PAPPA2: variants seen among roughly 807,000 people sequenced by gnomAD.
PAPPA2 encodes pappalysin 2.
A neutral mutation model predicts 176.4 loss-of-function variants in PAPPA2; 86 were observed. The ratio of observed to expected loss-of-function variants is 0.49; its 90% CI spans 0.41 to 0.58. The LOEUF is 0.58. PAPPA2 is among the 20% of genes least tolerant of loss of function. The pLI, the probability that PAPPA2 is intolerant of heterozygous loss-of-function variation, is 0.00. For synonymous variants in PAPPA2, 809 were observed against 852.2 expected, an observed-to-expected ratio of 0.95 and a Z score of 0.88; for missense variants, 2,073 against 2,256.9, an observed-to-expected ratio of 0.92 and a Z score of 1.65.
chr1:176,465,106 C>G (rs996971395), intron 1 of PAPPA2, among the ~76,000 whole-genome samples: 1 of 152,184 alleles, frequency 6.6e-6, no homozygotes, highest in Admixed American at 6.5e-5. Flanking sequence ...TTGTTGCATT[C>G]TGACATGTGG....
rs866833501 is a variant in PAPPA2, at chr1:176,611,040, C to G, written c.1991+15445C>G. On this transcript the variant is annotated intron_variant, in intron 3 of 22. Coordinates refer to ENST00000367662, the MANE Select transcript of PAPPA2 (RefSeq NM_020318.3). ...AAGTCTGAATTTTTATGATAACTAA[C>G]CAACTTGTCTTTCTACTTCTGGGCT... Among the ~76,000 whole-genome samples, 47 of 152,230 alleles carry G rather than the reference C, an allele frequency of 3.1e-4. No individual in the cohort carries two copies. In the Middle Eastern group the frequency reaches 0.01, roughly 33 times the overall value.
At chr1:176,790,090 G>A (rs1183401381) in intron 18 of PAPPA2, 113 bp downstream of exon 18, 2 of 1,251,874 alleles carry the variant, frequency 1.6e-6, no homozygotes, top group East Asian at 4.7e-5. Context: ...CAGGGACTTG[G>A]GATTCTAATC....
chr1:176,476,062 A>G (rs1046471128), intron 1 of PAPPA2, among the ~76,000 whole-genome samples: 1 of 152,180 alleles, frequency 6.6e-6, no homozygotes, highest in African/African-American at 2.4e-5. Flanking sequence ...TGGAGCAAAG[A>G]CTATTTTATA....
intron 2 of PAPPA2, among the ~76,000 whole-genome samples, chr1:176,591,810 A>T (rs1300516783): frequency 6.6e-6 from 1 of 152,186 alleles, no homozygotes; most frequent in Non-Finnish European, 1.5e-5. Flanking sequence ...AAGATGCGTG[A>T]TCTAGTATAA....
At chr1:176,811,042 T>A (rs1268517718) in intron 21 of PAPPA2, among the ~76,000 whole-genome samples, 3 of 152,204 alleles carry the variant, frequency 2.0e-5, no homozygotes, top group African/African-American at 7.2e-5. Context: ...ATATTTTTTA[T>A]CACTGGATAG....
In PAPPA2 at chr1:176,693,164, C is replaced by T. The variant is rs190061665; in HGVS notation, c.2624+846C>T. 1.1e-3 allele frequency among the ~76,000 whole-genome samples: 170 copies of T among 152,270 alleles called. 3 individuals carry two copies. Among genetic ancestry groups the T allele is most frequent in the Non-Finnish European group, 2.5e-4 (17 of 68,020 alleles). ...CCTTCTGTGACCTGTGCAGACTGAC[C>T]TCTTTCAAAACCTACTGCTGTATTC... On this transcript the variant is annotated intron_variant, in intron 6 of 22. Transcript: ENST00000367662.
intron 3 of PAPPA2, among the ~76,000 whole-genome samples, chr1:176,669,296 C>G (rs537659256): frequency 1.2e-4 from 18 of 152,162 alleles, no homozygotes; most frequent in Admixed American, 1.0e-3. Flanking sequence ...TCTTCTCTTT[C>G]TTTTTCTTTT....
At chr1:176,564,140 C>A (rs747704277) in intron 2 of PAPPA2, among the ~76,000 whole-genome samples, 1 of 152,164 alleles carries the variant, frequency 6.6e-6, no homozygotes, top group Admixed American at 6.5e-5. Flanking sequence ...AACTACCTTA[C>A]GCAAATGCAG....
intron 3 of PAPPA2, among the ~76,000 whole-genome samples, chr1:176,622,439 G>A (rs955767599): frequency 2.0e-5 from 3 of 152,122 alleles, no homozygotes; most frequent in Non-Finnish European, 4.4e-5. Flanking sequence ...ATTTGTTGAA[G>A]GTATAAATAT....
chr1:176,746,981 G>T (rs1662940203), intron 14 of PAPPA2, among the ~76,000 whole-genome samples: 1 of 152,126 alleles, frequency 6.6e-6, no homozygotes, highest in African/African-American at 2.4e-5. Flanking sequence ...AATGGAACAG[G>T]CATAATTTTT....
At chr1:176,464,625 CA>C (rs1181984983) in intron 1 of PAPPA2, among the ~76,000 whole-genome samples, 1 of 152,124 alleles carries the variant, frequency 6.6e-6, no homozygotes, top group Non-Finnish European at 1.5e-5. Flanking sequence ...AGCTTTTTCC[CA>C]AACTCTCTCT....
At position 176,736,754 on chromosome 1, in the gene PAPPA2, A is replaced by G. The variant is rs949024837; in HGVS notation, c.3799-2872A>G. Among the ~76,000 whole-genome samples the G allele has an allele frequency of 4.6e-5, 7 of 151,090 alleles. No homozygotes were observed. The East Asian group carries it at 1.2e-3, about 25-fold the overall frequency. On this transcript the variant is annotated intron_variant, in intron 12 of 22. Transcript: ENST00000367662. ...AGTAGATTTTTAATAAATACATTTT[A>G]AACTAAATTTCTGAAAAGCCTGCAA... is the stretch of plus-strand genomic sequence containing the variant.
At chr1:176,704,469 A>G (rs1435490803) in intron 9 of PAPPA2, among the ~76,000 whole-genome samples, 2 of 152,210 alleles carry the variant, frequency 1.3e-5, no homozygotes, top group East Asian at 3.9e-4. Context: ...TATAAACAGT[A>G]TTCATATAGA....
chr1:176,828,932 G>A (rs980972385), intron 21 of PAPPA2, among the ~76,000 whole-genome samples: 49 of 152,058 alleles, frequency 3.2e-4, no homozygotes, highest in African/African-American at 1.1e-3. Flanking sequence ...GAACCCAGGA[G>A]ATGGAGGTTG....
chr1:176,695,464 C>T (rs369886265), intron 6 of PAPPA2, among the ~76,000 whole-genome samples: 10 of 152,082 alleles, frequency 6.6e-5, no homozygotes, highest in Admixed American at 6.5e-4. Flanking sequence ...GTTCCTAGGA[C>T]AGAAAATGCC....
At chr1:176,502,685 G>A (rs7524176) in intron 1 of PAPPA2, among the ~76,000 whole-genome samples, 12,032 of 152,204 alleles carry the variant, frequency 0.079, 587 homozygotes, top group South Asian at 0.15. Flanking sequence ...GCTATGGAAG[G>A]TGTGCATGGC....
chr1:176,780,353 T>G (rs1664657112), intron 17 of PAPPA2, among the ~76,000 whole-genome samples: 1 of 152,140 alleles, frequency 6.6e-6, no homozygotes, highest in Non-Finnish European at 1.5e-5. Flanking sequence ...GTGTATACAG[T>G]GTGTTGCTCT....
At chr1:176,788,783 T>G (rs749188971) in intron 17 of PAPPA2, among the ~76,000 whole-genome samples, 3 of 152,210 alleles carry the variant, frequency 2.0e-5, no homozygotes, top group Non-Finnish European at 2.9e-5. Flanking sequence ...GTGAAAGTTA[T>G]GAACTCTTTC....
chr1:176,507,549 A>G (rs1433913755), intron 1 of PAPPA2, among the ~76,000 whole-genome samples: 4 of 152,220 alleles, frequency 2.6e-5, no homozygotes, highest in South Asian at 2.1e-4. Context: ...ATGCCCATCA[A>G]TGATGGAATG....
Sources: allele counts gnomAD v4.1 joint callset (sites outside exome capture counted in the v4.1 genomes callset), GRCh38; gene constraint gnomAD v4.1.1; transcripts MANE v1.5; gene names NCBI Gene and HGNC (gene_info 2026-07-23, HGNC 2026-07-21).